Variants in PPP2R5E observed in about 807,000 individuals in gnomAD.
PPP2R5E encodes the protein protein phosphatase 2 regulatory subunit B'epsilon, also known as serine/threonine-protein phosphatase 2A 56 kDa regulatory subunit epsilon isoform.
A neutral mutation model predicts 65.3 loss-of-function variants in PPP2R5E; 4 were observed. The observed-to-expected ratio is 0.06, with a 90% CI of 0.03 to 0.14. The LOEUF (loss-of-function observed/expected upper bound fraction) is 0.14, where lower values mean the gene tolerates loss of function less well. Among genes scored for constraint, PPP2R5E ranks in the 10% least tolerant of loss-of-function variants. The pLI, the probability that PPP2R5E is intolerant of heterozygous loss-of-function variation, is 1.00. For synonymous variants in PPP2R5E, 183 were observed against 187.4 expected (o/e 0.98, Z 0.19); for missense variants, 274 against 556.1 (o/e 0.49, Z 5.10).
intron 2 of PPP2R5E, among the ~76,000 whole-genome samples, chr14:63,471,511 C>T (rs936409204): frequency 6.6e-6 from 1 of 152,156 alleles, no homozygotes; most frequent in Non-Finnish European, 1.5e-5. Flanking sequence ...CCAGTCATAT[C>T]ATGTATACAT....
chr14:63,476,415 C>T (rs1441881005), intron 2 of PPP2R5E, among the ~76,000 whole-genome samples: 1 of 152,038 alleles, frequency 6.6e-6, no homozygotes, highest in Non-Finnish European at 1.5e-5. Context: ...ATGCTTTGCT[C>T]AAAAGTATAT....
chr14:63,380,134 A>G (rs1884256664), intron 13 of PPP2R5E, among the ~76,000 whole-genome samples: 1 of 151,810 alleles, frequency 6.6e-6, no homozygotes, highest in South Asian at 2.1e-4. Context: ...GTGCCCAGCC[A>G]AGTTCTTCAA....
chr14:63,462,215 C>G (rs570165747), intron 2 of PPP2R5E, among the ~76,000 whole-genome samples: 2 of 152,166 alleles, frequency 1.3e-5, no homozygotes, highest in South Asian at 2.1e-4. Context: ...GGACTACAGG[C>G]ACCTGCCACC....
chr14:63,529,361 C>CTTT (rs557363996), intron 2 of PPP2R5E, among the ~76,000 whole-genome samples: 7 of 129,640 alleles, frequency 5.4e-5, no homozygotes, highest in South Asian at 2.5e-4. Context: ...AGCCCAAAGA[C>CTTT]TTTTTTTTTT....
At chr14:63,485,757 T>C (rs924193785) in intron 2 of PPP2R5E, among the ~76,000 whole-genome samples, 2 of 151,818 alleles carry the variant, frequency 1.3e-5, no homozygotes, top group Admixed American at 6.6e-5. Context: ...AGTCTGCAAG[T>C]GTTTTCACTT....
intron 11 of PPP2R5E, among the ~76,000 whole-genome samples, chr14:63,385,561 C>T (rs1884612185): frequency 1.3e-5 from 2 of 152,140 alleles, no homozygotes; most frequent in Non-Finnish European, 2.9e-5. Context: ...GTCACAGCTA[C>T]TGAGGAACAC....
chr14:63,438,037 G>A (rs570548090), intron 3 of PPP2R5E, among the ~76,000 whole-genome samples: 2 of 152,150 alleles, frequency 1.3e-5, no homozygotes, highest in African/African-American at 4.8e-5. Flanking sequence ...ACTTGCTCCT[G>A]AGAAGTCACT....
intron 3 of PPP2R5E, among the ~76,000 whole-genome samples, chr14:63,444,652 G>A (rs894568179): frequency 6.6e-6 from 1 of 151,864 alleles, no homozygotes; most frequent in African/African-American, 2.4e-5. Flanking sequence ...AATACACAGA[G>A]TTCAAGCTCA....
chr14:63,384,915 C>T (rs1884575419), intron 11 of PPP2R5E, among the ~76,000 whole-genome samples: 1 of 152,022 alleles, frequency 6.6e-6, no homozygotes, highest in Admixed American at 6.5e-5. Context: ...AGGATGGTCT[C>T]GATCTCCTGA....
intron 3 of PPP2R5E, among the ~76,000 whole-genome samples, chr14:63,436,316 A>T (rs1887950252): frequency 6.6e-6 from 1 of 152,228 alleles, no homozygotes; most frequent in Non-Finnish European, 1.5e-5. Context: ...GCGAATTTTT[A>T]AAAAAGCATA....
intron 10 of PPP2R5E, among the ~76,000 whole-genome samples, chr14:63,390,533 G>A (rs1373692850): frequency 6.6e-6 from 1 of 152,130 alleles, no homozygotes; most frequent in African/African-American, 2.4e-5. Context: ...AAAATAAAGT[G>A]AGCAATCAAA....
chr14:63,522,202 T>C (rs1892944624), intron 2 of PPP2R5E, among the ~76,000 whole-genome samples: 1 of 152,130 alleles, frequency 6.6e-6, no homozygotes, highest in Non-Finnish European at 1.5e-5. Context: ...AGCCTCGGCC[T>C]CCCGAGGTGC....
At chr14:63,530,665 T>C (rs1594977556) in intron 2 of PPP2R5E, among the ~76,000 whole-genome samples, 1 of 126,336 alleles carries the variant, frequency 7.9e-6, no homozygotes, top group Non-Finnish European at 1.6e-5. Flanking sequence ...TGAGACACTC[T>C]CACTCTGTCA....
At chr14:63,389,346 T>TCA (rs1884871428) in intron 11 of PPP2R5E, among the ~76,000 whole-genome samples, 1 of 152,016 alleles carries the variant, frequency 6.6e-6, no homozygotes, top group African/African-American at 2.4e-5. Context: ...GCTTCAGTGT[T>TCA]CACATCTGTA....
chr14:63,430,365 A>G (rs77045976), intron 3 of PPP2R5E, among the ~76,000 whole-genome samples: 13,359 of 132,182 alleles, frequency 0.1, 639 homozygotes, highest in African/African-American at 0.12. Flanking sequence ...ATACATACAT[A>G]CATACATGCA....
At chr14:63,527,139 A>C (rs1893216323) in intron 2 of PPP2R5E, among the ~76,000 whole-genome samples, 1 of 152,202 alleles carries the variant, frequency 6.6e-6, no homozygotes. Flanking sequence ...GTTGCTCTCC[A>C]GCCTGGACAA....
intron 2 of PPP2R5E, among the ~76,000 whole-genome samples, chr14:63,509,999 T>A (rs1235393398): frequency 1.3e-5 from 2 of 152,010 alleles, no homozygotes; most frequent in African/African-American, 4.8e-5. Flanking sequence ...GCCACCCTCT[T>A]CAAAAAAACA....
intron 5 of PPP2R5E, among the ~76,000 whole-genome samples, chr14:63,413,884 T>A (rs938216738): frequency 2.6e-5 from 4 of 152,228 alleles, no homozygotes; most frequent in African/African-American, 9.6e-5. Flanking sequence ...GGTACCAAAG[T>A]ACTCTAAATG....
chr14:63,419,832 G>A (rs913609237), intron 4 of PPP2R5E, among the ~76,000 whole-genome samples: 17 of 152,092 alleles, frequency 1.1e-4, no homozygotes, highest in African/African-American at 3.6e-4. Context: ...TTATAATACC[G>A]TTTCTGCCTT....
Sources: gnomAD v4.1 joint callset for allele counts (sites outside exome capture counted in the v4.1 genomes callset) on GRCh38, gnomAD v4.1.1 for gene constraint, MANE v1.5 for transcripts, NCBI Gene and HGNC (gene_info 2026-07-23, HGNC 2026-07-21) for gene names.